Variants in WWOX observed in about 807,000 individuals in gnomAD.
WWOX encodes WW domain-containing oxidoreductase.
Under a neutral mutation model 46.2 loss-of-function variants are expected in WWOX, and 69 were observed. That is an observed-to-expected ratio of 1.49 (90% confidence interval 1.23 to 1.82). The LOEUF (loss-of-function observed/expected upper bound fraction) is 1.82. Among genes scored for constraint, WWOX ranks in the 40% most tolerant of loss-of-function variants. The pLI is 0.00. For missense variants in WWOX, 919 were observed against 542.6 expected (o/e 1.69, Z -6.89); for synonymous variants, 359 against 202.6 (o/e 1.77, Z -6.56).
intron 8 of WWOX, among the ~76,000 whole-genome samples, chr16:79,207,068 T>G (rs1415210664): frequency 2.6e-5 from 4 of 152,132 alleles, no homozygotes; most frequent in African/African-American, 9.7e-5. Context: ...TAGCCTCTCC[T>G]GGGGGAGTGT....
intron 6 of WWOX, among the ~76,000 whole-genome samples, chr16:78,406,147 A>T (rs1314174295): frequency 6.6e-6 from 1 of 151,534 alleles, no homozygotes; most frequent in Non-Finnish European, 1.5e-5. Context: ...AACTTAAGCC[A>T]ACTATATCGT....
At chr16:78,372,292 G>A (rs11649021) in intron 5 of WWOX, among the ~76,000 whole-genome samples, 1 of 152,062 alleles carries the variant, frequency 6.6e-6, no homozygotes, top group Non-Finnish European at 1.5e-5. Context: ...ATTCTAGGGT[G>A]TCCTTCATGC....
intron 8 of WWOX, chr16:79,206,433 A>G (rs2051512752): frequency 6.6e-6 from 1 of 152,220 alleles, no homozygotes; most frequent in African/African-American, 2.4e-5. Context: ...TTGATCTCTG[A>G]TATCAGGTAG....
intron 8 of WWOX, among the ~76,000 whole-genome samples, chr16:78,621,868 G>A (rs549991190): frequency 6.6e-6 from 1 of 152,094 alleles, no homozygotes; most frequent in East Asian, 1.9e-4. Context: ...GCCTCCCAAA[G>A]TGCTGGGATT....
chr16:78,545,478 G>T lies in WWOX; in HGVS notation c.1056+112726G>T, dbSNP rs540943368. On this transcript the variant is annotated intron_variant, in intron 8 of 8. Transcript: ENST00000566780. ...AGAGCTTCTCCTGTCTTAGTCTCCT[G>T]AGTAGCTGGGACGACAGGTGCCTGC... is the stretch of plus-strand genomic sequence containing the variant. 2.0e-5 allele frequency among the ~76,000 whole-genome samples: 3 copies of T among 152,278 alleles called. No individual in the cohort carries two copies. The East Asian group carries it at 5.8e-4, about 29-fold the overall frequency.
chr16:78,834,947 A>C (rs988143758), intron 8 of WWOX, among the ~76,000 whole-genome samples: 1 of 152,182 alleles, frequency 6.6e-6, no homozygotes, highest in African/African-American at 2.4e-5. Context: ...TAATTATTGA[A>C]GGGCTGTCAG....
chr16:78,659,621 C>G (rs925719715), intron 8 of WWOX, among the ~76,000 whole-genome samples: 4 of 152,166 alleles, frequency 2.6e-5, no homozygotes, highest in Non-Finnish European at 5.9e-5. Flanking sequence ...AAGCACTGTA[C>G]TACTCATCTC....
At chr16:79,150,381 G>A (rs867393159) in intron 8 of WWOX, among the ~76,000 whole-genome samples, 17 of 152,190 alleles carry the variant, frequency 1.1e-4, no homozygotes, top group Admixed American at 7.8e-4. Flanking sequence ...ATATAGCATA[G>A]CATAGGGCAG....
intron 8 of WWOX, among the ~76,000 whole-genome samples, chr16:78,787,139 C>G (rs1006997410): frequency 5.3e-5 from 8 of 152,202 alleles, no homozygotes; most frequent in African/African-American, 1.4e-4. Flanking sequence ...CAGAGTGAGA[C>G]TGTGTCTCAA....
rs551028365 is a variant in WWOX, at chr16:78,349,702, G to A, written c.517-37158G>A. On this transcript the variant is annotated intron_variant, in intron 5 of 8. Transcript: ENST00000566780. ...ACGTTTCATCAGCCAGGTGAAATTT[G>A]CAATTGTTTCAGTGATTGAAATTAT... 1.9e-4 allele frequency among the ~76,000 whole-genome samples: 23 copies of A among 119,196 alleles called. No individual in the cohort carries two copies. In the East Asian group the frequency reaches 4.4e-3, roughly 23 times the overall value. The allele number at this position is 119,196 out of a possible 152,430, so 78.2% of individuals were successfully genotyped here.
At chr16:78,450,832 A>T (rs1402398492) in intron 8 of WWOX, among the ~76,000 whole-genome samples, 1 of 152,222 alleles carries the variant, frequency 6.6e-6, no homozygotes, top group Non-Finnish European at 1.5e-5. Flanking sequence ...AAGAAAGATC[A>T]TAAGAAGATG....
At chr16:78,914,077 G>C (rs2045182638) in intron 8 of WWOX, among the ~76,000 whole-genome samples, 1 of 152,090 alleles carries the variant, frequency 6.6e-6, no homozygotes, top group Admixed American at 6.5e-5. Flanking sequence ...AATGGAGTAT[G>C]ACAGTATCAT....
chr16:79,132,100 A>G (rs2049890176), intron 8 of WWOX, among the ~76,000 whole-genome samples: 1 of 150,336 alleles, frequency 6.7e-6, no homozygotes. Context: ...GTCAAACCGT[A>G]TCACTCTCCC....
At chr16:78,541,026 G>A (rs566438534) in intron 8 of WWOX, among the ~76,000 whole-genome samples, 25 of 152,210 alleles carry the variant, frequency 1.6e-4, no homozygotes, top group Non-Finnish European at 1.8e-4. Context: ...GAGTTGGGGA[G>A]GTGGCGTGGG....
At chr16:78,631,096 A>ACTT (rs2046418098) in intron 8 of WWOX, among the ~76,000 whole-genome samples, 1 of 152,192 alleles carries the variant, frequency 6.6e-6, no homozygotes, top group African/African-American at 2.4e-5. Context: ...GGAGCATCAC[A>ACTT]TACATTATAT....
At chr16:78,974,591 T>C (rs191852806) in intron 8 of WWOX, among the ~76,000 whole-genome samples, 1 of 152,348 alleles carries the variant, frequency 6.6e-6, no homozygotes, top group East Asian at 1.9e-4. Flanking sequence ...TATTTCAGTT[T>C]TGTTTTTTAT....
chr16:78,658,894 C>T (rs963796619), intron 8 of WWOX, among the ~76,000 whole-genome samples: 1 of 147,216 alleles, frequency 6.8e-6, no homozygotes, highest in South Asian at 2.2e-4. Flanking sequence ...GAGTTTGAGA[C>T]CAGCCTGGCC....
At chr16:78,479,687 C>A (rs2084441223) in intron 8 of WWOX, among the ~76,000 whole-genome samples, 1 of 152,128 alleles carries the variant, frequency 6.6e-6, no homozygotes, top group South Asian at 2.1e-4. Context: ...ATATGGACAG[C>A]CCTCTACAAA....
intron 6 of WWOX, among the ~76,000 whole-genome samples, chr16:78,399,345 A>AATCAT (rs2082359936): frequency 1.3e-5 from 2 of 152,226 alleles, no homozygotes; most frequent in African/African-American, 4.8e-5. Context: ...CTTCTAAAGT[A>AATCAT]ATCATAGTTG....
Sources: allele counts gnomAD v4.1 joint callset (sites outside exome capture counted in the v4.1 genomes callset), GRCh38; gene constraint gnomAD v4.1.1; transcripts MANE v1.5; gene names NCBI Gene and HGNC (gene_info 2026-07-23, HGNC 2026-07-21).